Variants in CEP83 observed in about 807,000 individuals in gnomAD.
CEP83 encodes centrosomal protein 83.
In CEP83, 70 loss-of-function variants were observed where a neutral mutation model predicts 101.9. That is an observed-to-expected ratio of 0.69 (90% CI 0.57 to 0.84). The LOEUF (loss-of-function observed/expected upper bound fraction) is 0.84, where lower values mean the gene tolerates loss of function less well. Ranked by LOEUF, CEP83 falls within the 40% of genes least tolerant of loss-of-function variation. The pLI, the probability that CEP83 is intolerant of heterozygous loss-of-function variation, is 0.00. For synonymous variants in CEP83, 264 were observed against 267.9 expected (o/e 0.99, Z 0.14); for missense variants, 715 against 787.2 (o/e 0.91, Z 1.10).
the CEP83 span, among the ~76,000 whole-genome samples, chr12:94,280,910 A>G: frequency 1.8e-4 from 27 of 152,334 alleles, no homozygotes; most frequent in African/African-American, 5.3e-4. Flanking sequence ...GACACAGCCT[A>G]TCAGCTATGT....
chr12:94,450,433 T>C (rs1027737344), intron 1 of CEP83, among the ~76,000 whole-genome samples: 7 of 152,144 alleles, frequency 4.6e-5, no homozygotes, highest in Non-Finnish European at 7.4e-5. Flanking sequence ...TTTGTATTTT[T>C]AGTAGAGACG....
the CEP83 span, among the ~76,000 whole-genome samples, chr12:94,297,637 C>T: frequency 6.6e-6 from 1 of 152,156 alleles, no homozygotes; most frequent in Non-Finnish European, 1.5e-5. Flanking sequence ...ACTGTAGTAT[C>T]TTCAGTCAGG....
the CEP83 span, among the ~76,000 whole-genome samples, chr12:94,297,776 T>C: frequency 6.6e-6 from 1 of 152,184 alleles, no homozygotes; most frequent in Non-Finnish European, 1.5e-5. Flanking sequence ...CCTTTTTGAA[T>C]TGCGAATAAA....
chr12:94,366,930 A>G (rs548898171), intron 11 of CEP83, among the ~76,000 whole-genome samples: 1 of 152,262 alleles, frequency 6.6e-6, no homozygotes, highest in African/African-American at 2.4e-5. Context: ...AAATCTGAGA[A>G]AAGTTAAGCA....
intron 2 of CEP83, among the ~76,000 whole-genome samples, chr12:94,429,474 A>G (rs911169455): frequency 5.9e-5 from 9 of 152,192 alleles, no homozygotes; most frequent in African/African-American, 2.2e-4. Context: ...CCATTTTGAG[A>G]ACTCAGTCCC....
chr12:94,396,192 G>A (rs1172961441), intron 6 of CEP83, among the ~76,000 whole-genome samples: 1 of 148,402 alleles, frequency 6.7e-6, no homozygotes, highest in Non-Finnish European at 1.5e-5. Context: ...TCCCACTTTT[G>A]AATAATGACT....
intron 6 of CEP83, among the ~76,000 whole-genome samples, chr12:94,380,688 T>G (rs551307743): frequency 1.3e-5 from 2 of 152,298 alleles, no homozygotes; most frequent in East Asian, 3.9e-4. Flanking sequence ...GTAACTCAAG[T>G]TCAGACAATG....
At chr12:94,272,032 T>C in the CEP83 span, 31,677 of 152,170 alleles carry the variant, frequency 0.21, 4,337 homozygotes, top group South Asian at 0.3. Flanking sequence ...CGTGATAACC[T>C]GTGAGAGGCT....
chr12:94,454,308 G>A (rs747018991), intron 1 of CEP83, among the ~76,000 whole-genome samples: 26 of 152,048 alleles, frequency 1.7e-4, no homozygotes, highest in African/African-American at 1.9e-4. Context: ...GTATTTTCAC[G>A]TGTCCTTCAC....
chr12:94,350,525 C>T (rs1369238237), intron 11 of CEP83, among the ~76,000 whole-genome samples: 1 of 151,984 alleles, frequency 6.6e-6, no homozygotes, highest in Non-Finnish European at 1.5e-5. Context: ...AAACTATAAA[C>T]TCTTAGAAGA....
chr12:94,447,103 T>C (rs191397562), intron 1 of CEP83, among the ~76,000 whole-genome samples: 4 of 152,294 alleles, frequency 2.6e-5, no homozygotes, highest in Admixed American at 2.0e-4. Context: ...AAAATGAAGA[T>C]GAAATAAAGA....
chr12:94,323,799 C>A (rs2058850880), intron 14 of CEP83, among the ~76,000 whole-genome samples: 1 of 152,148 alleles, frequency 6.6e-6, no homozygotes, highest in Non-Finnish European at 1.5e-5. Flanking sequence ...TATTTTTAAT[C>A]AGTAAGTATG....
At chr12:94,301,138 AAAC>A in the CEP83 span, 2 of 1,306,102 alleles carry the variant, frequency 1.5e-6, no homozygotes, top group East Asian at 4.6e-5. Context: ...TTCAAATAAT[AAAC>A]AATTGGTCTA....
intron 15 of CEP83, among the ~76,000 whole-genome samples, chr12:94,311,653 T>C (rs1044718716): frequency 1.3e-5 from 2 of 152,158 alleles, no homozygotes; most frequent in African/African-American, 2.4e-5. Context: ...TGTGTGAGAA[T>C]AGGAAAAACA....
intron 1 of CEP83, among the ~76,000 whole-genome samples, chr12:94,438,904 A>G (rs1455550316): frequency 6.6e-6 from 1 of 152,206 alleles, no homozygotes; most frequent in African/African-American, 2.4e-5. Context: ...GGAAATTTAA[A>G]CCTGCTCCTG....
At chr12:94,279,994 C>T in the CEP83 span, 10 of 398,062 alleles carry the variant, frequency 2.5e-5, no homozygotes, top group South Asian at 6.3e-5. Flanking sequence ...GTGCCCTCTG[C>T]GTGTGTTGCA....
intron 15 of CEP83, among the ~76,000 whole-genome samples, chr12:94,311,104 G>C (rs1322518539): frequency 6.6e-6 from 1 of 152,118 alleles, no homozygotes; most frequent in Non-Finnish European, 1.5e-5. Context: ...AATGGCCAAT[G>C]ATGTAATCAA....
chr12:94,450,171 G>A (rs1390146936), intron 1 of CEP83, among the ~76,000 whole-genome samples: 1 of 152,128 alleles, frequency 6.6e-6, no homozygotes, highest in African/African-American at 2.4e-5. Context: ...AAGCAAAAAT[G>A]AAGAAATAAA....
At chr12:94,439,835 A>AATACACC (rs1249420238) in intron 1 of CEP83, among the ~76,000 whole-genome samples, 3 of 152,196 alleles carry the variant, frequency 2.0e-5, no homozygotes, top group African/African-American at 7.2e-5. Flanking sequence ...TCAAAAAGAA[A>AATACACC]ATACACCATG....
Sources: allele counts gnomAD v4.1 joint callset (sites outside exome capture counted in the v4.1 genomes callset), GRCh38; gene constraint gnomAD v4.1.1; transcripts MANE v1.5; gene names NCBI Gene and HGNC (gene_info 2026-07-23, HGNC 2026-07-21).